Variants in SLC16A5 observed in about 807,000 individuals in gnomAD.
SLC16A5 encodes the protein solute carrier family 16 member 5.
SLC16A5 carries 29 observed loss-of-function variants against 33.2 expected under a neutral mutation model. The observed-to-expected ratio is 0.87, with a 90% CI of 0.65 to 1.19. SLC16A5 has a LOEUF of 1.19. Among genes scored for constraint, SLC16A5 ranks in the 50% most tolerant of loss-of-function variants. The pLI, the probability that SLC16A5 is intolerant of heterozygous loss-of-function variation, is 0.00. For synonymous variants in SLC16A5, 248 were observed against 284.1 expected (o/e 0.87, Z 1.28); for missense variants, 606 against 678.2 (o/e 0.89, Z 1.18).
chr17:75,110,005 G>T (rs1402216303), downstream of SLC16A5: 10 of 372,100 alleles, frequency 2.7e-5, no homozygotes, highest in East Asian at 1.0e-4. Context: ...GTGCGCCAGT[G>T]CCCCCTCCGC....
downstream of SLC16A5, among the ~76,000 whole-genome samples, chr17:75,107,856 G>A (rs1471000026): frequency 6.6e-6 from 1 of 152,160 alleles, no homozygotes; most frequent in Non-Finnish European, 1.5e-5. Context: ...AGAATGGCGT[G>A]AACCTGGGAG....
At position 75,100,673 on chromosome 17, in the gene SLC16A5, C is replaced by A. The variant is rs753744110; in HGVS notation, c.1010C>A (p.Ala337Glu). 6.2e-7 allele frequency: 1 copy of A among 1,614,194 alleles called. No homozygotes were observed. The highest frequency in any genetic ancestry group is 1.1e-5 in the South Asian group (1 of 91,088). Reference sequence around the variant, plus strand: ...TGGGTGCTCGTGGGCTACTGCCTGGCGTACAGCGTGTCCATGAGTGGCATC... The same window carrying A: ...TGGGTGCTCGTGGGCTACTGCCTGGAGTACAGCGTGTCCATGAGTGGCATC... ...DFWVLVGYCL[A>E]YSVSMSGIGA... The change falls in exon 5 of 7, where the codon GCG becomes GAG. Residue 337 changes from alanine to glutamate, a missense_variant. Coordinates refer to ENST00000329783, the MANE Select transcript of SLC16A5 (RefSeq NM_004695.4).
At chr17:75,098,274 A>G in intron 4 of SLC16A5, 93 bp downstream of exon 4, 1 of 1,532,136 alleles carries the variant, frequency 6.5e-7, no homozygotes. Flanking sequence ...AATCTTCTGG[A>G]ACTGCTGGCT....
chr17:75,093,673 G>T lies in SLC16A5; in HGVS notation c.37G>T (p.Ala13Ser), dbSNP rs778425643. The T allele has an allele frequency of 3.7e-6, 6 of 1,613,536 alleles. No homozygotes were observed. Among genetic ancestry groups the T allele is most frequent in the Non-Finnish European group, 4.2e-6 (5 of 1,179,992 alleles). The change falls in exon 3 of 7, where the codon GCC becomes TCC. Residue 13 changes from alanine (A) to serine (S), a missense_variant. Transcript: ENST00000329783. Reference protein sequence around the residue: ...QALERADGSWAWVVLLATMVT... With the variant: ...QALERADGSWSWVVLLATMVT... ...CCTGGAGCGTGCAGATGGCAGCTGG[G>T]CCTGGGTGGTGCTGCTGGCCACCAT...
downstream of SLC16A5, chr17:75,110,062 G>T (rs2073896262): frequency 1.9e-6 from 1 of 522,588 alleles, no homozygotes; most frequent in Non-Finnish European, 3.4e-6. Flanking sequence ...CCCCAATTTC[G>T]ATTTTCAAAC....
At chr17:75,097,917 C>A in intron 3 of SLC16A5, 121 bp from the exon 4 acceptor site, 1 of 1,166,858 alleles carries the variant, frequency 8.6e-7, no homozygotes, top group Non-Finnish European at 1.2e-6. Context: ...AGAATCCAGG[C>A]CTGCTCGTGC....
At chr17:75,107,730 A>G (rs551521849), downstream of SLC16A5, among the ~76,000 whole-genome samples, 138 of 152,364 alleles carry the variant, frequency 9.1e-4, 1 homozygote, top group African/African-American at 3.2e-3. Flanking sequence ...CGAGGTCAGG[A>G]GATCGAGACC....
At chr17:75,105,332 G>A in intron 6 of SLC16A5, 1 of 985,436 alleles carries the variant, frequency 1.0e-6, no homozygotes, top group Non-Finnish European at 1.2e-6. Flanking sequence ...GGTGGGGGAA[G>A]CCAGACATTT....
At chr17:75,101,126 G>A (rs1211116811) in intron 5 of SLC16A5, among the ~76,000 whole-genome samples, 2 of 151,922 alleles carry the variant, frequency 1.3e-5, no homozygotes, top group Non-Finnish European at 2.9e-5. Context: ...ATGGGCGCCT[G>A]TAGTCCCAGC....
At chr17:75,104,264 G>C in intron 6 of SLC16A5, 84 bp downstream of exon 6, 1 of 1,549,744 alleles carries the variant, frequency 6.5e-7, no homozygotes, top group Non-Finnish European at 8.7e-7. Flanking sequence ...CACTGTCTCA[G>C]CCCAGCCCAG....
At position 75,088,595 on chromosome 17, in the gene SLC16A5, G is replaced by A. The variant is rs553974023; in HGVS notation, c.-203+551G>A. Among the ~76,000 whole-genome samples the A allele has an allele frequency of 3.3e-5, 5 of 152,212 alleles. No individual in the cohort carries two copies. The South Asian group carries it at 1.0e-3, about 32-fold the overall frequency. On this transcript the variant is annotated intron_variant, in intron 1 of 6. Transcript: ENST00000329783. ...CTGCCCTTGCTGCTCTCTGCTGGAC[G>A]GGAGCCCTTCTGCTGCCTGCCTGGG...
chr17:75,098,131 C>A lies in SLC16A5; in HGVS notation c.293C>A (p.Ser98Tyr). The A allele has an allele frequency of 6.2e-7, 1 of 1,612,418 alleles. No individual in the cohort carries two copies. Among genetic ancestry groups the A allele is most frequent in the Non-Finnish European group, 8.5e-7 (1 of 1,179,334 alleles). The change falls in exon 4 of 7, where the codon TCC becomes TAC. Residue 98 changes from serine to tyrosine, a missense_variant. Physicochemically the swap from Ser to Tyr is moderately radical, Grantham distance 144. Coordinates refer to ENST00000329783, the MANE Select transcript of SLC16A5 (RefSeq NM_004695.4). ...VLASLGMVAS[S>Y]FSHNLSQLYF... The stretch of plus-strand genomic sequence containing the variant: ...GCCAGCCTGGGCATGGTGGCCAGCT[C>A]CTTCTCTCACAACCTCAGCCAGCTC...
chr17:75,102,002 G>C (rs763838050), intron 5 of SLC16A5, among the ~76,000 whole-genome samples: 1 of 152,174 alleles, frequency 6.6e-6, no homozygotes, highest in African/African-American at 2.4e-5. Context: ...GCTTAGGAGA[G>C]AGTCTGGTGT....
At chr17:75,094,408 CG>C (rs1463814588) in intron 3 of SLC16A5, among the ~76,000 whole-genome samples, 2 of 152,270 alleles carry the variant, frequency 1.3e-5, no homozygotes, top group South Asian at 2.1e-4. Context: ...CAGGAATGGC[CG>C]GGCGCGATGG....
intron 4 of SLC16A5, among the ~76,000 whole-genome samples, chr17:75,099,104 G>C (rs1297679927): frequency 6.6e-6 from 1 of 152,184 alleles, no homozygotes; most frequent in African/African-American, 2.4e-5. Context: ...GTGGGGAGCG[G>C]GGAAGGCCCC....
intron 2 of SLC16A5, among the ~76,000 whole-genome samples, chr17:75,092,850 T>TGTGTGAGA (rs368204075): frequency 6.6e-6 from 1 of 150,474 alleles, no homozygotes; most frequent in Non-Finnish European, 1.5e-5. Context: ...TGTGTGTGTG[T>TGTGTGAGA]GTGTGTGTGT....
chr17:75,104,536 C>A, intron 6 of SLC16A5: 1 of 926,198 alleles, frequency 1.1e-6, no homozygotes, highest in Non-Finnish European at 1.3e-6. Flanking sequence ...TCTCCTGCCT[C>A]TGCCCCCCAA....
In SLC16A5 at chr17:75,100,304, G is replaced by A; in HGVS notation, c.641G>A (p.Gly214Asp). ...CCACCTCCCGAGACACCTGCACTTGGCTGCCTGGCTGCATGCGGCCGGACC... is the reference window on the plus strand; with the variant it reads ...CCACCTCCCGAGACACCTGCACTTGACTGCCTGGCTGCATGCGGCCGGACC... ...PPPPPETPAL[G>D]CLAACGRTIQ... Residue 214 changes from glycine (G) to aspartate (D), a missense_variant, in exon 5 of 7, where the codon GGC becomes GAC. Coordinates refer to ENST00000329783, the MANE Select transcript of SLC16A5 (RefSeq NM_004695.4). The A allele has an allele frequency of 8.7e-6, 14 of 1,614,168 alleles. No homozygotes were observed. Among genetic ancestry groups the A allele is most frequent in the Non-Finnish European group, 1.2e-5 (14 of 1,180,038 alleles).
At position 75,099,890 on chromosome 17, in the gene SLC16A5, G is replaced by A. The variant is rs1016187126; in HGVS notation, c.344-117G>A. ...GGTCAGTCCCCAGGGACTTGGAGCT[G>A]GGTATGGACTAGAACCAGAGGAGGG... On this transcript the variant is annotated intron_variant, in intron 4 of 6. Coordinates refer to ENST00000329783, the MANE Select transcript of SLC16A5 (RefSeq NM_004695.4). 7.3e-6 allele frequency: 7 copies of A among 963,488 alleles called. No homozygotes were observed. In the African/African-American group the frequency reaches 1.2e-4, roughly 16 times the overall value. The allele number at this position is 963,488 out of a possible 1,614,324, so 59.7% of individuals were successfully genotyped here.
Sources: gnomAD v4.1 joint callset for allele counts (sites outside exome capture counted in the v4.1 genomes callset) on GRCh38, gnomAD v4.1.1 for gene constraint, MANE v1.5 for transcripts, NCBI Gene and HGNC (gene_info 2026-07-23, HGNC 2026-07-21) for gene names.